The following VAT1L variants were observed in gnomAD, a reference collection of about 807,000 sequenced individuals.
VAT1L encodes vesicle amine transport 1 like, also known as putative NADPH-dependent quinone oxidoreductase VAT1L.
A neutral mutation model predicts 44.1 loss-of-function variants in VAT1L; 34 were observed. That is an observed-to-expected ratio of 0.77 (90% confidence interval 0.59 to 1.03). The LOEUF is 1.03. Ranked by LOEUF, VAT1L falls within the 50% of genes least tolerant of loss-of-function variation. The pLI is 0.00. For synonymous variants in VAT1L, 253 were observed against 202.2 expected, an observed-to-expected ratio of 1.25 and a Z score of -2.13; for missense variants, 615 against 538.8, an observed-to-expected ratio of 1.14 and a Z score of -1.40.
In VAT1L at chr16:77,862,758, T is replaced by TGGCTCA. The variant is rs1159218313; in HGVS notation, c.592_597dup (p.Ala198_Gln199dup). The TGGCTCA allele has an allele frequency of 1.9e-6, 3 of 1,613,618 alleles. No individual in the cohort carries two copies. The Admixed American group carries it at 5.0e-5, about 27-fold the overall frequency. ...GTCTTTTCCTTCCAGGGTCAAGCTG[T>TGGCTCA]GGCTCAGCTGTGTTCCACTGTCCCC... On this transcript the variant is annotated inframe_insertion, in exon 4 of 9. Coordinates refer to ENST00000302536, the MANE Select transcript of VAT1L (RefSeq NM_020927.3).
At position 77,935,523 on chromosome 16, in the gene VAT1L, T is replaced by C. The variant is rs915974350; in HGVS notation, c.1078-36327T>C. ...ATAAAAAAAAAAAAAAAAACTACCC[T>C]TATTCCAAATTTAAGAGGCAGAGAG... On this transcript the variant is annotated intron_variant, in intron 7 of 8. Transcript: ENST00000302536. Among the ~76,000 whole-genome samples, 6 of 149,340 alleles carry C rather than the reference T, an allele frequency of 4.0e-5. No homozygotes were observed. In the East Asian group the frequency reaches 1.2e-3, roughly 29 times the overall value.
intron 3 of VAT1L, among the ~76,000 whole-genome samples, chr16:77,833,273 CTT>C (rs1187502867): frequency 5.3e-5 from 8 of 152,158 alleles, no homozygotes; most frequent in African/African-American, 1.7e-4. Context: ...ACATGGATAA[CTT>C]TGCCAAGTGC....
intron 7 of VAT1L, chr16:77,892,754 T>C: frequency 1.3e-6 from 1 of 760,518 alleles, no homozygotes; most frequent in South Asian, 1.3e-5. Context: ...TGGTTTCTAG[T>C]TTTTCATCTG....
chr16:77,950,509 C>G (rs1483012015), intron 7 of VAT1L, among the ~76,000 whole-genome samples: 1 of 151,242 alleles, frequency 6.6e-6, no homozygotes, highest in African/African-American at 2.4e-5. Context: ...CAGATATAGC[C>G]AAGGTTGTGA....
At chr16:77,924,629 T>TTTTGTA (rs1464367580) in intron 7 of VAT1L, among the ~76,000 whole-genome samples, 1 of 152,006 alleles carries the variant, frequency 6.6e-6, no homozygotes, top group Non-Finnish European at 1.5e-5. Flanking sequence ...CCCACCTAAT[T>TTTTGTA]TTTTGTATTT....
At chr16:77,934,969 C>T (rs1488138108) in intron 7 of VAT1L, among the ~76,000 whole-genome samples, 1 of 151,976 alleles carries the variant, frequency 6.6e-6, no homozygotes, top group Non-Finnish European at 1.5e-5. Context: ...TGAAAAGGGA[C>T]CCTAGTCTAG....
At chr16:77,831,262 G>A (rs928227698) in intron 3 of VAT1L, among the ~76,000 whole-genome samples, 3 of 152,186 alleles carry the variant, frequency 2.0e-5, no homozygotes, top group African/African-American at 4.8e-5. Flanking sequence ...GAGAAACACA[G>A]GGCTTAGCAG....
At chr16:77,839,831 A>T (rs1222569034) in intron 3 of VAT1L, among the ~76,000 whole-genome samples, 1 of 152,192 alleles carries the variant, frequency 6.6e-6, no homozygotes, top group Non-Finnish European at 1.5e-5. Flanking sequence ...CATTGCATGG[A>T]GGTGCTTTAG....
At chr16:77,861,595 T>C (rs2016914992) in intron 3 of VAT1L, among the ~76,000 whole-genome samples, 1 of 152,362 alleles carries the variant, frequency 6.6e-6, no homozygotes, top group East Asian at 1.9e-4. Context: ...TTGACCTGTG[T>C]TGCAAAATAC....
chr16:77,885,462 G>T (rs538446698), intron 7 of VAT1L, among the ~76,000 whole-genome samples: 4 of 151,972 alleles, frequency 2.6e-5, no homozygotes, highest in Non-Finnish European at 4.4e-5. Flanking sequence ...TTCAAGTAAG[G>T]GGAAGGTTTG....
At chr16:77,943,462 C>T (rs769570308) in intron 7 of VAT1L, among the ~76,000 whole-genome samples, 9 of 149,792 alleles carry the variant, frequency 6.0e-5, no homozygotes, top group Non-Finnish European at 1.2e-4. Flanking sequence ...TGCAGCGGCA[C>T]CATCACGGCT....
intron 3 of VAT1L, 150 bp downstream of exon 3, chr16:77,825,611 A>T: frequency 1.1e-6 from 1 of 932,794 alleles, no homozygotes; most frequent in South Asian, 1.6e-5. Flanking sequence ...AAGCCCATAT[A>T]GATGATTGCA....
intron 1 of VAT1L, among the ~76,000 whole-genome samples, chr16:77,808,044 C>A (rs2016195437): frequency 6.6e-6 from 1 of 151,816 alleles, no homozygotes; most frequent in Non-Finnish European, 1.5e-5. Flanking sequence ...GGGCCACAGA[C>A]CAGTACTGGT....
chr16:77,829,732 T>A (rs921474983), intron 3 of VAT1L, among the ~76,000 whole-genome samples: 3 of 152,212 alleles, frequency 2.0e-5, no homozygotes, highest in Non-Finnish European at 4.4e-5. Flanking sequence ...TTAATGAGCC[T>A]TGTTGATAAA....
At chr16:77,945,791 G>C (rs555454645) in intron 7 of VAT1L, among the ~76,000 whole-genome samples, 1 of 144,414 alleles carries the variant, frequency 6.9e-6, no homozygotes, top group Non-Finnish European at 1.5e-5. Flanking sequence ...TTCTTTAGTG[G>C]CTTGACTTTT....
chr16:77,914,513 G>C (rs936839681), intron 7 of VAT1L, among the ~76,000 whole-genome samples: 1 of 152,140 alleles, frequency 6.6e-6, no homozygotes, highest in Non-Finnish European at 1.5e-5. Context: ...GTAGATGAAA[G>C]AAAGTAATGG....
chr16:77,969,872 A>G (rs1415637826), intron 7 of VAT1L, among the ~76,000 whole-genome samples: 2 of 151,998 alleles, frequency 1.3e-5, no homozygotes, highest in Non-Finnish European at 2.9e-5. Flanking sequence ...AATCTACTGA[A>G]TTATGTATTA....
intron 2 of VAT1L, among the ~76,000 whole-genome samples, chr16:77,818,951 G>A (rs2016402159): frequency 2.0e-5 from 3 of 152,246 alleles, no homozygotes; most frequent in South Asian, 2.1e-4. Flanking sequence ...AGCTGTCACC[G>A]GAGGCCGGGT....
At position 77,788,584 on chromosome 16, in the gene VAT1L, A is replaced by C. The variant is rs1488698351; in HGVS notation, c.-99A>C. 3 of 1,357,312 alleles carry C rather than the reference A, an allele frequency of 2.2e-6. No individual in the cohort carries two copies. The African/African-American group carries it at 4.4e-5, about 20-fold the overall frequency. 84.1% of individuals were successfully genotyped at this position (1,357,312 alleles called of 1,614,324 possible). Reference sequence around the variant, plus strand: ...CAGCCATTGCACAGCCGAGCATCCCACATTCAACAGGAGGAACCCGCGGGA... The same window carrying C: ...CAGCCATTGCACAGCCGAGCATCCCCCATTCAACAGGAGGAACCCGCGGGA... On this transcript the variant is annotated 5_prime_UTR_variant, in exon 1 of 9. Coordinates refer to ENST00000302536, the MANE Select transcript of VAT1L (RefSeq NM_020927.3).
Sources: gnomAD v4.1 joint callset for allele counts (sites outside exome capture counted in the v4.1 genomes callset) on GRCh38, gnomAD v4.1.1 for gene constraint, MANE v1.5 for transcripts, NCBI Gene and HGNC (gene_info 2026-07-23, HGNC 2026-07-21) for gene names.